CDC25A: variants seen among roughly 807,000 people sequenced by gnomAD.
CDC25A encodes M-phase inducer phosphatase 1.
CDC25A carries 17 observed loss-of-function variants against 64.6 expected under a neutral mutation model. That is an observed-to-expected ratio of 0.26 (90% CI 0.18 to 0.39). The LOEUF (loss-of-function observed/expected upper bound fraction) is 0.39. Ranked by LOEUF, CDC25A falls within the 10% of genes least tolerant of loss-of-function variation. CDC25A has a pLI of 1.00. For synonymous variants in CDC25A, 229 were observed against 238.6 expected (o/e 0.96, Z 0.37); for missense variants, 473 against 654.8 (o/e 0.72, Z 3.03).
Position 48,187,964 on chromosome 3 carries a change from G to T in CDC25A, c.-17C>A, listed in dbSNP as rs1575276468. On this transcript the variant is annotated 5_prime_UTR_variant, in exon 1 of 15. Coordinates refer to ENST00000302506, the MANE Select transcript of CDC25A (RefSeq NM_001789.3). ...CAGTTCCATGGCGGCGCCCGGCCTC[G>T]CAGAGCTCCCGCTCCCTCTTCCTCT... The T allele has an allele frequency of 1.4e-6, 2 of 1,461,570 alleles. No homozygotes were observed. The highest frequency in any genetic ancestry group is 2.4e-4 in the Middle Eastern group (1 of 4,082). 90.5% of individuals were successfully genotyped at this position (1,461,570 alleles called of 1,614,324 possible).
Position 48,182,983 on chromosome 3 carries a change from A to G in CDC25A, c.375T>C (p.Asp125=). 1 of 1,613,968 alleles carries G rather than the reference A, an allele frequency of 6.2e-7. No homozygotes were observed. Among genetic ancestry groups the G allele is most frequent in the African/African-American group, 1.3e-5 (1 of 75,062 alleles). Reference sequence around the variant, plus strand: ...GCTGAAAGATGTCATGGTCAAGAGAATCAGAATGGCTCCTCTTCAGAGCTG... The same window carrying G: ...GCTGAAAGATGTCATGGTCAAGAGAGTCAGAATGGCTCCTCTTCAGAGCTG... ...CSPALKRSHS[D]SLDHDIFQLI... Residue 125 remains aspartate (D), a synonymous_variant, in exon 5 of 15, where the codon GAT becomes GAC. Transcript: ENST00000302506.
chr3:48,165,603 G>A, intron 12 of CDC25A, 33 bp downstream of exon 12: 2 of 1,454,814 alleles, frequency 1.4e-6, no homozygotes, highest in Non-Finnish European at 1.9e-6. Context: ...CCTGTTTAGG[G>A]CTCCTTCTAC....
At chr3:48,179,094 G>C (rs2032570385) in intron 6 of CDC25A, among the ~76,000 whole-genome samples, 1 of 152,088 alleles carries the variant, frequency 6.6e-6, no homozygotes, top group African/African-American at 2.4e-5. Context: ...TCTGGTTCTG[G>C]CATTAGCTTT....
intron 2 of CDC25A, 134 bp downstream of exon 2, chr3:48,186,569 C>CAACAA: frequency 2.6e-6 from 1 of 383,686 alleles, no homozygotes; most frequent in African/African-American, 3.2e-5. Context: ...AACTCTGTCT[C>CAACAA]AAAAAAAAAA....
rs1575271184 is a variant in CDC25A at position 48,180,397 on chromosome 3, A to G, written c.549+324T>C. The G allele has an allele frequency of 1.6e-5, 3 of 187,694 alleles. No individual in the cohort carries two copies. In the Admixed American group the frequency reaches 1.8e-4, roughly 11 times the overall value. The allele number at this position is 187,694 out of a possible 1,614,324, so 11.6% of individuals were successfully genotyped here. A position where few individuals can be genotyped will look rare whatever the true frequency, so the allele number is the denominator to read the frequency against. On this transcript the variant is annotated intron_variant, in intron 6 of 14. Transcript: ENST00000302506. ...TTTTGCCAGAAAGCCCTTAAAAAAA[A>G]AAAAAGAAAAAAAGAAAAAAATAGG...
Position 48,180,701 on chromosome 3 carries a change from A to G in CDC25A, c.549+20T>C, listed in dbSNP as rs1246817064. 1.1e-5 allele frequency: 17 copies of G among 1,611,086 alleles called. No individual in the cohort carries two copies. Among genetic ancestry groups the G allele is most frequent in the African/African-American group, 4.0e-5 (3 of 74,848 alleles). ...CTTTCTTCCTGTCAGGAATTCCCCT[A>G]TGAAAGCCAGAGCACATACCATCCG... On this transcript the variant is annotated intron_variant, in intron 6 of 14. Transcript: ENST00000302506.
In CDC25A at chr3:48,183,839, G is replaced by A. The variant is rs2032753178; in HGVS notation, c.291-3C>T. On this transcript the variant is annotated splice_region_variant and splice_polypyrimidine_tract_variant and intron_variant, in intron 3 of 14. Transcript: ENST00000302506. ...TTCTTCTCATAGGATTTTCAAGGCT[G>A]TAATGAGATCAGAAGGTAAATAATG... The A allele has an allele frequency of 6.4e-7, 1 of 1,560,256 alleles. No homozygotes were observed. The highest frequency in any genetic ancestry group is 8.8e-7 in the Non-Finnish European group (1 of 1,132,056).
chr3:48,180,902 G>C (rs984425421), intron 5 of CDC25A, 62 bp from the exon 6 acceptor site: 2 of 1,576,414 alleles, frequency 1.3e-6, no homozygotes, highest in Non-Finnish European at 1.7e-6. Flanking sequence ...CAGCTTGGGT[G>C]AAAGAGGCAA....
At chr3:48,178,106 A>C (rs937040749) in intron 6 of CDC25A, 118 bp from the exon 7 acceptor site, 2 of 927,832 alleles carry the variant, frequency 2.2e-6, no homozygotes, top group African/African-American at 3.3e-5. Context: ...TACAAAGCAA[A>C]ATTTTAGCCA....
chr3:48,163,946 CCT>C (rs1436828067), intron 13 of CDC25A, among the ~76,000 whole-genome samples: 1 of 152,160 alleles, frequency 6.6e-6, no homozygotes, highest in Non-Finnish European at 1.5e-5. Flanking sequence ...TCTTTGGCCC[CCT>C]TTTTTCTTTT....
At chr3:48,160,596 A>G (rs1338216702) in intron 13 of CDC25A, among the ~76,000 whole-genome samples, 1 of 151,854 alleles carries the variant, frequency 6.6e-6, no homozygotes, top group East Asian at 1.9e-4. Context: ...TTTTTAGTAG[A>G]GACGGGATTT....
intron 9 of CDC25A, among the ~76,000 whole-genome samples, chr3:48,173,292 A>G (rs2032336891): frequency 6.6e-6 from 1 of 152,200 alleles, no homozygotes; most frequent in South Asian, 2.1e-4. Context: ...AAGGAAATAA[A>G]ATATCTACAA....
Position 48,187,984 on chromosome 3 carries a change from TC to T in CDC25A, c.-38del. 1 of 1,363,384 alleles carries T rather than the reference TC, an allele frequency of 7.3e-7. No homozygotes were observed. The highest frequency in any genetic ancestry group is 9.4e-7 in the Non-Finnish European group (1 of 1,063,968). The allele number at this position is 1,363,384 out of a possible 1,614,324, so 84.5% of individuals were successfully genotyped here. Reference sequence around the variant, plus strand: ...GCCTCGCAGAGCTCCCGCTCCCTCTTCCTCTGCCTCCGCCGCGACCGCCCCG... The same window carrying T: ...GCCTCGCAGAGCTCCCGCTCCCTCTTCTCTGCCTCCGCCGCGACCGCCCCG... On this transcript the variant is annotated 5_prime_UTR_variant, in exon 1 of 15. Coordinates refer to ENST00000302506, the MANE Select transcript of CDC25A (RefSeq NM_001789.3).
chr3:48,177,894 T>C lies in CDC25A; in HGVS notation c.644A>G (p.Asp215Gly). The change falls in exon 7 of 15, where the codon GAT becomes GGT. Residue 215 changes from aspartate (D) to glycine (G), a missense_variant. By Grantham distance (94) the Asp-to-Gly change is moderately conservative. Coordinates refer to ENST00000302506, the MANE Select transcript of CDC25A (RefSeq NM_001789.3). ...SPVTATLSDE[D>G]DGFVDLLDGE... ...ATCGAGAAGGTCCACGAAGCCATCA[T>C]CCTCATCAGACAAAGTGGCTGTCAC... 6.2e-7 allele frequency: 1 copy of C among 1,613,952 alleles called. No homozygotes were observed. Among genetic ancestry groups the C allele is most frequent in the Non-Finnish European group, 8.5e-7 (1 of 1,179,986 alleles).
intron 9 of CDC25A, among the ~76,000 whole-genome samples, chr3:48,172,239 ATT>A (rs2032296454): frequency 6.6e-6 from 1 of 152,244 alleles, no homozygotes; most frequent in East Asian, 1.9e-4. Flanking sequence ...TTATTAAAAT[ATT>A]CTTTTAGAAC....
chr3:48,187,599 C>A (rs1575276070), intron 1 of CDC25A, among the ~76,000 whole-genome samples, 179 bp downstream of exon 1: 1 of 152,252 alleles, frequency 6.6e-6, no homozygotes. Context: ...GACGGCCTCT[C>A]CCGCCCAACA....
intron 13 of CDC25A, 119 bp downstream of exon 13, chr3:48,164,188 A>G (rs2031907592): frequency 5.6e-6 from 5 of 894,774 alleles, no homozygotes; most frequent in Non-Finnish European, 8.2e-6. Context: ...ATGGCTTGTT[A>G]TGTGCCAGAG....
intron 8 of CDC25A, among the ~76,000 whole-genome samples, chr3:48,176,971 C>CA (rs879773431): frequency 0.011 from 1,337 of 123,224 alleles, 8 homozygotes; most frequent in Middle Eastern, 0.021. Flanking sequence ...GACTCCGTCT[C>CA]AAAAAAAAAA....
At chr3:48,163,226 T>TGAGCC (rs2031858161) in intron 13 of CDC25A, among the ~76,000 whole-genome samples, 1 of 142,492 alleles carries the variant, frequency 7.0e-6, no homozygotes, top group Non-Finnish European at 1.5e-5. Context: ...GAGGTTGCAG[T>TGAGCC]GAGCCGAGAT....
Sources: allele counts gnomAD v4.1 joint callset (sites outside exome capture counted in the v4.1 genomes callset), GRCh38; gene constraint gnomAD v4.1.1; transcripts MANE v1.5; gene names NCBI Gene and HGNC (gene_info 2026-07-23, HGNC 2026-07-21).